Variants in DOK6 observed in about 807,000 individuals in gnomAD.
DOK6 encodes the protein docking protein 6.
DOK6 carries 22 observed loss-of-function variants against 44.0 expected under a neutral mutation model. That is an observed-to-expected ratio of 0.50 (90% confidence interval 0.36 to 0.71). The LOEUF (loss-of-function observed/expected upper bound fraction) is 0.71, where lower values mean the gene tolerates loss of function less well. DOK6 is among the 30% of genes least tolerant of loss of function. DOK6 has a pLI of 0.00. For synonymous variants in DOK6, 166 were observed against 145.5 expected (o/e 1.14, Z -1.01); for missense variants, 340 against 416.4 (o/e 0.82, Z 1.60).
intron 1 of DOK6, among the ~76,000 whole-genome samples, chr18:69,419,656 T>C (rs1296196356): frequency 6.6e-6 from 1 of 152,262 alleles, no homozygotes; most frequent in East Asian, 1.9e-4. Context: ...ATGTTTAATA[T>C]GTGTTAATTA....
chr18:69,685,079 TAACAAC>T (rs1456827630), intron 4 of DOK6, among the ~76,000 whole-genome samples: 1 of 152,070 alleles, frequency 6.6e-6, no homozygotes, highest in Non-Finnish European at 1.5e-5. Context: ...GAACTTTGAA[TAACAAC>T]AACAAAAAAA....
intron 2 of DOK6, among the ~76,000 whole-genome samples, chr18:69,577,284 A>G (rs150100873): frequency 1.8e-4 from 27 of 152,302 alleles, no homozygotes; most frequent in Admixed American, 1.4e-3. Context: ...TTCCACGAAG[A>G]AACGGCCCTA....
chr18:69,626,863 A>T (rs1984567657), intron 3 of DOK6, among the ~76,000 whole-genome samples: 1 of 152,212 alleles, frequency 6.6e-6, no homozygotes, highest in Admixed American at 6.5e-5. Flanking sequence ...TGTCTCAAAG[A>T]GGCAGTTATA....
chr18:69,694,430 ATAT>A (rs1422851710), intron 4 of DOK6, among the ~76,000 whole-genome samples: 2 of 150,674 alleles, frequency 1.3e-5, no homozygotes, highest in African/African-American at 2.4e-5. Context: ...TGCAATATTT[ATAT>A]TATAATAAAA....
At chr18:69,707,876 GA>G (rs1350637038) in intron 5 of DOK6, among the ~76,000 whole-genome samples, 1 of 152,140 alleles carries the variant, frequency 6.6e-6, no homozygotes, top group Non-Finnish European at 1.5e-5. Context: ...AAAGCTTCCT[GA>G]AGAAGATGAT....
chr18:69,815,494 A>T (rs1284218848), intron 7 of DOK6, among the ~76,000 whole-genome samples: 1 of 152,218 alleles, frequency 6.6e-6, no homozygotes, highest in South Asian at 2.1e-4. Context: ...ACCCATCTGC[A>T]GTGTCAACGT....
chr18:69,472,573 C>T (rs915312437), intron 1 of DOK6, among the ~76,000 whole-genome samples: 4 of 152,182 alleles, frequency 2.6e-5, no homozygotes, highest in African/African-American at 7.2e-5. Flanking sequence ...TGCTCACTGA[C>T]GCCCACAGGA....
intron 3 of DOK6, among the ~76,000 whole-genome samples, chr18:69,614,003 A>G (rs1406353615): frequency 2.1e-5 from 1 of 48,172 alleles, no homozygotes; most frequent in Non-Finnish European, 6.6e-5. Context: ...GAATATTTTT[A>G]AGTTTTCTGA....
chr18:69,489,415 C>G (rs1980673887), intron 1 of DOK6, among the ~76,000 whole-genome samples: 1 of 152,146 alleles, frequency 6.6e-6, no homozygotes, highest in Admixed American at 6.5e-5. Context: ...AGCCCGTTTC[C>G]ATAGTGCTGT....
At chr18:69,611,039 A>G (rs1599220787) in intron 3 of DOK6, among the ~76,000 whole-genome samples, 1 of 152,264 alleles carries the variant, frequency 6.6e-6, no homozygotes, top group East Asian at 1.9e-4. Flanking sequence ...AAGGGACAAA[A>G]AAGGCAACCA....
chr18:69,791,835 G>A (rs1306422992), intron 7 of DOK6, among the ~76,000 whole-genome samples: 1 of 152,094 alleles, frequency 6.6e-6, no homozygotes, highest in East Asian at 1.9e-4. Flanking sequence ...CCAGTCCAAT[G>A]TCCTGGATTG....
chr18:69,789,892 G>T (rs1049808745), intron 7 of DOK6, among the ~76,000 whole-genome samples: 3 of 152,132 alleles, frequency 2.0e-5, no homozygotes, highest in Admixed American at 6.6e-5. Flanking sequence ...AAGCACATTA[G>T]GGGAGGCTGC....
intron 7 of DOK6, among the ~76,000 whole-genome samples, chr18:69,815,502 C>T (rs1029985595): frequency 2.0e-5 from 3 of 152,088 alleles, no homozygotes; most frequent in East Asian, 1.9e-4. Flanking sequence ...GCAGTGTCAA[C>T]GTGATTAGTG....
In DOK6 at chr18:69,496,586, GT is replaced by G. The variant is rs756265730; in HGVS notation, c.67-67895del. Among the ~76,000 whole-genome samples the G allele has an allele frequency of 1.1e-4, 17 of 152,292 alleles. No homozygotes were observed. In the South Asian group the frequency reaches 3.3e-3, roughly 30 times the overall value. ...TAACACCCATGTTTTTGGACACAATGTTTTTTCTGTCTTTTTTCTTGACTAA... is the reference window on the plus strand; with the variant it reads ...TAACACCCATGTTTTTGGACACAATGTTTTTCTGTCTTTTTTCTTGACTAA... On this transcript the variant is annotated intron_variant, in intron 1 of 7. Transcript: ENST00000382713.
At chr18:69,677,416 T>G (rs72963448) in intron 3 of DOK6, among the ~76,000 whole-genome samples, 1,544 of 151,414 alleles carry the variant, frequency 0.01, 12 homozygotes, top group Middle Eastern at 0.021. Context: ...GATGGCTAAT[T>G]TATTATTTTA....
intron 7 of DOK6, among the ~76,000 whole-genome samples, chr18:69,786,484 C>T (rs547737192): frequency 1.7e-4 from 26 of 152,190 alleles, no homozygotes; most frequent in Admixed American, 5.2e-4. Context: ...GTTGAAATAA[C>T]GGTAATGTTA....
intron 5 of DOK6, among the ~76,000 whole-genome samples, chr18:69,710,189 A>C (rs1162072920): frequency 6.6e-6 from 1 of 152,238 alleles, no homozygotes; most frequent in Non-Finnish European, 1.5e-5. Flanking sequence ...AGAAAAAAGA[A>C]AATTATAAAC....
intron 6 of DOK6, 102 bp downstream of exon 6, chr18:69,739,205 G>C: frequency 6.7e-7 from 1 of 1,496,098 alleles, no homozygotes; most frequent in Non-Finnish European, 9.1e-7. Context: ...GCGCCTGGGT[G>C]TCCACCCTGC....
chr18:69,552,883 G>A (rs1982599581), intron 1 of DOK6, among the ~76,000 whole-genome samples: 1 of 152,258 alleles, frequency 6.6e-6, no homozygotes, highest in South Asian at 2.1e-4. Flanking sequence ...GAAAATGTGT[G>A]TGTGTGCACA....
Sources: allele counts gnomAD v4.1 joint callset (sites outside exome capture counted in the v4.1 genomes callset), GRCh38; gene constraint gnomAD v4.1.1; transcripts MANE v1.5; gene names NCBI Gene and HGNC (gene_info 2026-07-23, HGNC 2026-07-21).